AKNAD1: variants seen among roughly 807,000 people sequenced by gnomAD.
The protein encoded by AKNAD1 is protein AKNAD1.
In AKNAD1, 67 loss-of-function variants were observed where a neutral mutation model predicts 90.8. The observed-to-expected ratio is 0.74, with a 90% CI of 0.61 to 0.90. The LOEUF (loss-of-function observed/expected upper bound fraction) is 0.90, where lower values mean the gene tolerates loss of function less well. AKNAD1 is among the 40% of genes least tolerant of loss of function. AKNAD1 has a pLI of 0.00. For missense variants in AKNAD1, 957 were observed against 975.4 expected (o/e 0.98, Z 0.25); for synonymous variants, 327 against 341.4 (o/e 0.96, Z 0.46).
intron 8 of AKNAD1, among the ~76,000 whole-genome samples, 166 bp downstream of exon 8, chr1:108,834,763 A>C (rs909091995): frequency 2.6e-5 from 4 of 152,070 alleles, no homozygotes; most frequent in Non-Finnish European, 5.9e-5. Context: ...GAGGCTGGCC[A>C]GGCCCTGCTG....
chr1:108,847,877 T>C (rs1056126982), intron 5 of AKNAD1, among the ~76,000 whole-genome samples: 2 of 152,246 alleles, frequency 1.3e-5, no homozygotes, highest in African/African-American at 4.8e-5. Context: ...CCTAAGAGAC[T>C]ATAAACCACT....
chr1:108,850,208 A>G (rs1436510795), intron 2 of AKNAD1, among the ~76,000 whole-genome samples: 1 of 152,232 alleles, frequency 6.6e-6, no homozygotes, highest in East Asian at 1.9e-4. Context: ...CATAAAGCTC[A>G]GAAACACGCT....
At position 108,852,608 on chromosome 1, in the gene AKNAD1, A is replaced by T; in HGVS notation, c.57T>A (p.Tyr19Ter). 1 of 1,609,758 alleles carries T rather than the reference A, an allele frequency of 6.2e-7. No homozygotes were observed. ...TCTTAATCTGAGAGAGGTCCCCATC[A>T]TAAGGCAAATCCTCCTGCTTATAAG... ...HTTYKQEDLP[Y>*]DGDLSQIKIG... Residue 19 changes from tyrosine to a stop codon, truncating the protein, a stop_gained, in exon 2 of 16, where the codon TAT becomes TAA. Transcript: ENST00000370001. LOFTEE classifies it high-confidence loss of function.
chr1:108,839,276 G>A (rs546896642), intron 6 of AKNAD1, among the ~76,000 whole-genome samples: 8 of 152,222 alleles, frequency 5.3e-5, no homozygotes, highest in African/African-American at 1.9e-4. Flanking sequence ...ACGAGGTCAG[G>A]AGATCAAGAC....
chr1:108,817,170 G>GT lies in AKNAD1; in HGVS notation c.2256dup (p.Leu753ThrfsTer31). 1 of 1,613,950 alleles carries GT rather than the reference G, an allele frequency of 6.2e-7. No homozygotes were observed. ...GAGCTGTAGGTCATGAAAGCCTGAAGTTTTTTTCTGGAAGACAAAAGCACA... is the reference window on the plus strand; with the variant it reads ...GAGCTGTAGGTCATGAAAGCCTGAAGTTTTTTTTCTGGAAGACAAAAGCACA... On this transcript the variant is annotated frameshift_variant, in exon 15 of 16. Coordinates refer to ENST00000370001, the MANE Select transcript of AKNAD1 (RefSeq NM_152763.5). LOFTEE classifies it high-confidence loss of function.
rs1192719705 is a variant in AKNAD1 at position 108,823,699 on chromosome 1, C to T, written c.1937-11G>A. 1.2e-6 allele frequency: 2 copies of T among 1,613,876 alleles called. No homozygotes were observed. Among genetic ancestry groups the T allele is most frequent in the Admixed American group, 3.3e-5 (2 of 60,002 alleles). On this transcript the variant is annotated splice_polypyrimidine_tract_variant and intron_variant, in intron 11 of 15. Coordinates refer to ENST00000370001, the MANE Select transcript of AKNAD1 (RefSeq NM_152763.5). The stretch of plus-strand genomic sequence containing the variant: ...GTCCTGTATCAGAATCTGAAAAAGC[C>T]CAAGTTGCATGAATGAAGGGTAAGT...
rs371817434 is a variant in AKNAD1 at position 108,851,723 on chromosome 1, T to C, written c.942A>G (p.Lys314=). ...TTTTCCCTTTCTGCTCTTGATGTTGTTTTTCAACACAGTTTGACTCAGGCG... is the reference window on the plus strand; with the variant it reads ...TTTTCCCTTTCTGCTCTTGATGTTGCTTTTCAACACAGTTTGACTCAGGCG... ...ETTPESNCVE[K]QHQEQKGKIT... is the part of the protein sequence containing the mutation. The change falls in exon 2 of 16, where the codon AAA becomes AAG. Residue 314 remains lysine (K), a synonymous_variant. Transcript: ENST00000370001. The C allele has an allele frequency of 3.1e-6, 5 of 1,601,124 alleles. No homozygotes were observed. The highest frequency in any genetic ancestry group is 4.2e-6 in the Non-Finnish European group (5 of 1,176,492).
At chr1:108,817,231 T>C (rs1003411592) in intron 14 of AKNAD1, 54 bp from the exon 15 acceptor site, 3 of 1,605,934 alleles carry the variant, frequency 1.9e-6, no homozygotes, top group African/African-American at 2.7e-5. Context: ...TCAAGCACAC[T>C]CCTGTTCACG....
At chr1:108,838,756 A>G (rs1664452919) in intron 6 of AKNAD1, among the ~76,000 whole-genome samples, 2 of 152,176 alleles carry the variant, frequency 1.3e-5, no homozygotes, top group South Asian at 4.1e-4. Context: ...ATCAAAAGGC[A>G]TTGAAAAATC....
intron 1 of AKNAD1, 120 bp from the exon 2 acceptor site, chr1:108,852,887 A>ATTTTTT: frequency 2.5e-6 from 1 of 405,508 alleles, no homozygotes; most frequent in Non-Finnish European, 4.3e-6. Context: ...GAAGGCAGGA[A>ATTTTTT]GCTCAACCAC....
At chr1:108,834,337 G>T in intron 9 of AKNAD1, 110 bp downstream of exon 9, 1 of 891,602 alleles carries the variant, frequency 1.1e-6, no homozygotes, top group Non-Finnish European at 1.7e-6. Context: ...TTAGGAAGAG[G>T]TAAGTGATCT....
intron 10 of AKNAD1, 44 bp downstream of exon 10, chr1:108,830,515 T>G (rs753811728): frequency 3.8e-6 from 6 of 1,587,864 alleles, no homozygotes; most frequent in Non-Finnish European, 5.2e-6. Context: ...ATGCCAGGAC[T>G]GACTCCAATC....
At chr1:108,832,401 T>A (rs1664230247) in intron 9 of AKNAD1, among the ~76,000 whole-genome samples, 1 of 151,952 alleles carries the variant, frequency 6.6e-6, no homozygotes, top group South Asian at 2.1e-4. Flanking sequence ...TTTTGGTATG[T>A]CTTAGTAGAA....
In AKNAD1 at chr1:108,852,677, C is replaced by T. The variant is rs372778223; in HGVS notation, c.-13G>A. 81 of 1,547,566 alleles carry T rather than the reference C, an allele frequency of 5.2e-5. No individual in the cohort carries two copies. The African/African-American group carries it at 5.6e-4, about 11-fold the overall frequency. Reference sequence around the variant, plus strand: ...CAGCCTCATCCATGTGTGTGCAGCCCGATCGCTCTCGTCCTCTGCCTCCTG... The same window carrying T: ...CAGCCTCATCCATGTGTGTGCAGCCTGATCGCTCTCGTCCTCTGCCTCCTG... On this transcript the variant is annotated 5_prime_UTR_variant, in exon 2 of 16. Transcript: ENST00000370001.
chr1:108,843,250 C>T lies in AKNAD1; in HGVS notation c.1263G>A (p.Gln421=). The change falls in exon 6 of 16, where the codon CAG becomes CAA. Residue 421 remains glutamine, a synonymous_variant. Coordinates refer to ENST00000370001, the MANE Select transcript of AKNAD1 (RefSeq NM_152763.5). ...QDKKLVLEKL[Q]GHLELLEQNF... is the part of the protein sequence containing the mutation. ...TCTGCTCCAGCAGTTCAAGGTGTCC[C>T]TGCAGTTTCTCCAGGACCTGCAGCG... 4 of 1,613,952 alleles carry T rather than the reference C, an allele frequency of 2.5e-6. No homozygotes were observed. The highest frequency in any genetic ancestry group is 2.5e-6 in the Non-Finnish European group (3 of 1,179,964).
rs1339073647 is a variant in AKNAD1 at position 108,851,655 on chromosome 1, G to A, written c.993+17C>T. ...GTGGTCCCAATTAATGTGTTTACAG[G>A]AGACTGTTTCATTTACCTGGATTTG... On this transcript the variant is annotated intron_variant, in intron 2 of 15. Coordinates refer to ENST00000370001, the MANE Select transcript of AKNAD1 (RefSeq NM_152763.5). The A allele has an allele frequency of 5.8e-6, 9 of 1,563,684 alleles. No homozygotes were observed. In the Admixed American group the frequency reaches 9.7e-5, roughly 17 times the overall value.
At chr1:108,856,759 CAAAG>C (rs1167032222) in intron 1 of AKNAD1, among the ~76,000 whole-genome samples, 166 bp downstream of exon 1, 6 of 151,498 alleles carry the variant, frequency 4.0e-5, no homozygotes, top group South Asian at 2.1e-4. Context: ...CACACACAGA[CAAAG>C]AAAGAAAGAA....
At chr1:108,855,338 G>A (rs1327933874) in intron 1 of AKNAD1, among the ~76,000 whole-genome samples, 3 of 151,972 alleles carry the variant, frequency 2.0e-5, no homozygotes, top group African/African-American at 4.8e-5. Flanking sequence ...ACTTGAACCC[G>A]GGAGGCAGAG....
chr1:108,834,629 G>A (rs1448488676), intron 8 of AKNAD1, 101 bp from the exon 9 acceptor site: 3 of 1,212,702 alleles, frequency 2.5e-6, no homozygotes, highest in Non-Finnish European at 3.5e-6. Context: ...CCCTGGGATG[G>A]TGGGAGCGAG....
Sources: allele counts gnomAD v4.1 joint callset (sites outside exome capture counted in the v4.1 genomes callset), GRCh38; gene constraint gnomAD v4.1.1; transcripts MANE v1.5; gene names NCBI Gene and HGNC (gene_info 2026-07-23, HGNC 2026-07-21).